Variants in BACH1 observed in about 807,000 individuals in gnomAD.
The protein encoded by BACH1 is BTB domain and CNC homolog 1.
Under a neutral mutation model 52.9 loss-of-function variants are expected in BACH1, and 35 were observed. The ratio of observed to expected loss-of-function variants is 0.66; its 90% CI spans 0.51 to 0.88. The LOEUF (loss-of-function observed/expected upper bound fraction) is 0.88, where lower values mean the gene tolerates loss of function less well. Among genes scored for constraint, BACH1 ranks in the 40% least tolerant of loss-of-function variants. The pLI is 0.00. For missense variants in BACH1, 808 were observed against 872.6 expected, an observed-to-expected ratio of 0.93 and a Z score of 0.93; for synonymous variants, 321 against 319.6, an observed-to-expected ratio of 1.00 and a Z score of -0.05.
In BACH1 at chr21:29,342,898, C is replaced by G; in HGVS notation, c.*65C>G. The G allele has an allele frequency of 6.9e-7, 1 of 1,443,388 alleles. No individual in the cohort carries two copies. The highest frequency in any genetic ancestry group is 9.3e-7 in the Non-Finnish European group (1 of 1,071,576). The allele number at this position is 1,443,388 out of a possible 1,614,324, so 89.4% of individuals were successfully genotyped here. On this transcript the variant is annotated 3_prime_UTR_variant, in exon 5 of 5. Coordinates refer to ENST00000286800, the MANE Select transcript of BACH1 (RefSeq NM_001186.4). ...GAAGTTTTGGCAGCGTCTTGAAAGC[C>G]TAATATGACCATCTGTTGCTCAACA...
At position 29,327,239 on chromosome 21, in the gene BACH1, G is replaced by A. The variant is rs148401992; in HGVS notation, c.1415G>A (p.Cys472Tyr). 4.7e-5 allele frequency: 76 copies of A among 1,614,068 alleles called. No individual in the cohort carries two copies. The African/African-American group carries it at 8.9e-4, about 19-fold the overall frequency. ...ATAAGTACTCTGAGTACTGAAGGCT[G>A]TTCAAGCAATTTGGAAATTGGAAAC... is the stretch of plus-strand genomic sequence containing the variant. ...PFISTLSTEGCSSNLEIGNDD... is the reference protein window; with the variant it reads ...PFISTLSTEGYSSNLEIGNDD... Residue 472 changes from cysteine to tyrosine, a missense_variant, in exon 3 of 5, where the codon TGT (cysteine) becomes TAT (tyrosine). Cys to Tyr is a radical substitution (Grantham distance 194). Coordinates refer to ENST00000286800, the MANE Select transcript of BACH1 (RefSeq NM_001186.4).
intron 4 of BACH1, among the ~76,000 whole-genome samples, chr21:29,341,955 A>G (rs996607009): frequency 6.6e-6 from 1 of 152,172 alleles, no homozygotes; most frequent in African/African-American, 2.4e-5. Context: ...CATACCTGTT[A>G]TGTACAGTCT....
Position 29,316,579 on chromosome 21 carries a change from A to C in BACH1, c.-60-4642A>C, listed in dbSNP as rs73897763. Among the ~76,000 whole-genome samples, 612 of 152,264 alleles carry C rather than the reference A, an allele frequency of 4.0e-3. 7 individuals carry two copies. Among genetic ancestry groups the C allele is most frequent in the African/African-American group, 0.014 (595 of 41,534 alleles). ...AGAAATGTTAGAAGGTGCATGATGGATGTTAGAGGACATGAAGGTGCCGTT... is the reference window on the plus strand; with the variant it reads ...AGAAATGTTAGAAGGTGCATGATGGCTGTTAGAGGACATGAAGGTGCCGTT... On this transcript the variant is annotated intron_variant, in intron 1 of 4. Coordinates refer to ENST00000286800, the MANE Select transcript of BACH1 (RefSeq NM_001186.4).
At chr21:29,349,877 TTGGCATTGAGCCAGTTAAACTCC>T (rs1236945102), downstream of BACH1, among the ~76,000 whole-genome samples, 2 of 152,136 alleles carry the variant, frequency 1.3e-5, no homozygotes, top group African/African-American at 4.8e-5. Flanking sequence ...ACTTAGACTC[TTGGCATTGAGCCAGTTAAACTCC>T]TGAGTCCCTG....
chr21:29,301,436 C>G (rs1234606749), intron 1 of BACH1, among the ~76,000 whole-genome samples: 1 of 152,126 alleles, frequency 6.6e-6, no homozygotes, highest in South Asian at 2.1e-4. Context: ...TTTTAACTTA[C>G]GGTTTCCTCC....
At chr21:29,348,710 C>T (rs1053241547), downstream of BACH1, among the ~76,000 whole-genome samples, 18 of 152,174 alleles carry the variant, frequency 1.2e-4, no homozygotes, top group African/African-American at 4.3e-4. Context: ...TCTGAGCCAA[C>T]ATCCCTGTAT....
chr21:29,348,650 C>T (rs2832286), downstream of BACH1, among the ~76,000 whole-genome samples: 24,297 of 152,078 alleles, frequency 0.16, 2,162 homozygotes, highest in East Asian at 0.36. Context: ...CCCCTTCCAA[C>T]AAGCTGTTTC....
At chr21:29,335,767 T>C (rs916561991) in intron 4 of BACH1, among the ~76,000 whole-genome samples, 2 of 152,220 alleles carry the variant, frequency 1.3e-5, no homozygotes, top group African/African-American at 4.8e-5. Context: ...TCTATCCATC[T>C]TGGTCCTTTT....
intron 1 of BACH1, among the ~76,000 whole-genome samples, chr21:29,313,438 A>G (rs2123421166): frequency 6.6e-6 from 1 of 152,368 alleles, no homozygotes; most frequent in African/African-American, 2.4e-5. Flanking sequence ...TTCTACTCCT[A>G]GGTGTTTACC....
intron 4 of BACH1, among the ~76,000 whole-genome samples, chr21:29,332,122 A>T (rs1462637330): frequency 1.3e-5 from 2 of 152,164 alleles, no homozygotes; most frequent in East Asian, 3.9e-4. Flanking sequence ...TTAGTGGAGA[A>T]CAGGGGCTTC....
chr21:29,334,198 C>T (rs2089018533), intron 4 of BACH1, among the ~76,000 whole-genome samples: 1 of 151,862 alleles, frequency 6.6e-6, no homozygotes, highest in Non-Finnish European at 1.5e-5. Flanking sequence ...CCTAGGTTCA[C>T]ACCATTCACC....
At chr21:29,349,854 T>TTAC (rs386394559), downstream of BACH1, among the ~76,000 whole-genome samples, 12 of 151,638 alleles carry the variant, frequency 7.9e-5, no homozygotes, top group Admixed American at 5.9e-4. Context: ...GAGTGTCTCA[T>TTAC]TAATGCTGAG....
chr21:29,302,460 A>G (rs1015152009), intron 1 of BACH1, among the ~76,000 whole-genome samples: 2 of 152,212 alleles, frequency 1.3e-5, no homozygotes, highest in African/African-American at 4.8e-5. Flanking sequence ...GAATGGTTAA[A>G]AAGTAGTTCT....
Position 29,326,455 on chromosome 21 carries a change from T to TCCA in BACH1, c.631_632insCCA (p.Cys211delinsSerSer). On this transcript the variant is annotated protein_altering_variant, in exon 3 of 5. Coordinates refer to ENST00000286800, the MANE Select transcript of BACH1 (RefSeq NM_001186.4). ...TGCCAGTCAGACATATGAGTCCATG[T>TCCA]GCTTAGAGAAGGATGCTGCTCTGGC... The TCCA allele has an allele frequency of 6.2e-7, 1 of 1,614,224 alleles. No individual in the cohort carries two copies. Among genetic ancestry groups the TCCA allele is most frequent in the Non-Finnish European group, 8.5e-7 (1 of 1,180,040 alleles).
At chr21:29,323,838 A>G (rs1206878630) in intron 2 of BACH1, among the ~76,000 whole-genome samples, 2 of 152,170 alleles carry the variant, frequency 1.3e-5, no homozygotes, top group Non-Finnish European at 2.9e-5. Flanking sequence ...CAACCAGGAT[A>G]TTGATACAAT....
intron 4 of BACH1, among the ~76,000 whole-genome samples, chr21:29,338,306 G>A (rs1165503218): frequency 1.3e-5 from 2 of 152,090 alleles, no homozygotes. Flanking sequence ...AAGCTTTAAA[G>A]TTATTTGAAA....
At chr21:29,307,480 C>T (rs1251162019) in intron 1 of BACH1, among the ~76,000 whole-genome samples, 1 of 151,992 alleles carries the variant, frequency 6.6e-6, no homozygotes, top group Non-Finnish European at 1.5e-5. Context: ...AGTAGGATCC[C>T]CACCCACTGT....
chr21:29,327,341 C>T lies in BACH1; in HGVS notation c.1517C>T (p.Thr506Met). The T allele has an allele frequency of 1.2e-6, 2 of 1,614,138 alleles. No homozygotes were observed. The highest frequency in any genetic ancestry group is 1.7e-6 in the Non-Finnish European group (2 of 1,180,028). ...CVISLGDDSETDTEGDSESCS... is the reference protein window; with the variant it reads ...CVISLGDDSEMDTEGDSESCS... ...ATTAGCTTGGGAGACGACTCTGAGACGGACACCGAAGGAGACAGTGAATCC... is the reference window on the plus strand; with the variant it reads ...ATTAGCTTGGGAGACGACTCTGAGATGGACACCGAAGGAGACAGTGAATCC... Residue 506 changes from threonine (T) to methionine (M), a missense_variant, in exon 3 of 5, where the codon ACG (threonine) becomes ATG (methionine). Physicochemically the swap from Thr to Met is moderately conservative, Grantham distance 81. Transcript: ENST00000286800.
At position 29,327,382 on chromosome 21, in the gene BACH1, C is replaced by G. The variant is rs752248312; in HGVS notation, c.1558C>G (p.Gln520Glu). Residue 520 changes from glutamine to glutamate, a missense_variant, in exon 3 of 5, where the codon CAA (glutamine) becomes GAA (glutamate). Physicochemically the swap from Gln to Glu is conservative, Grantham distance 29. Coordinates refer to ENST00000286800, the MANE Select transcript of BACH1 (RefSeq NM_001186.4). ...GDSESCSARE[Q>E]ECEVKLPFNA... ...CAGTGAATCCTGTTCAGCCAGAGAA[C>G]AAGAATGTGAGGTGAGCAGGAATAT... 1 of 1,612,374 alleles carries G rather than the reference C, an allele frequency of 6.2e-7. No homozygotes were observed.
Sources: allele counts gnomAD v4.1 joint callset (sites outside exome capture counted in the v4.1 genomes callset), GRCh38; gene constraint gnomAD v4.1.1; transcripts MANE v1.5; gene names NCBI Gene and HGNC (gene_info 2026-07-23, HGNC 2026-07-21).